The following RANBP10 variants were observed in gnomAD, a reference collection of about 807,000 sequenced individuals.
RANBP10 encodes the protein RAN binding protein 10, also known as ran-binding protein 10.
In RANBP10, 24 loss-of-function variants were observed where a neutral mutation model predicts 72.8. That is an observed-to-expected ratio of 0.33 (90% confidence interval 0.24 to 0.46). RANBP10 has a LOEUF of 0.46. Among genes scored for constraint, RANBP10 ranks in the 20% least tolerant of loss-of-function variants. The pLI is 1.00. For synonymous variants in RANBP10, 310 were observed against 322.3 expected (o/e 0.96, Z 0.41); for missense variants, 679 against 817.5 (o/e 0.83, Z 2.07).
At chr16:67,765,023 G>T (rs1301518696) in intron 3 of RANBP10, among the ~76,000 whole-genome samples, 1 of 151,864 alleles carries the variant, frequency 6.6e-6, no homozygotes, top group Non-Finnish European at 1.5e-5. Flanking sequence ...TTTGCACAAA[G>T]ATGTGTAAGT....
intron 3 of RANBP10, among the ~76,000 whole-genome samples, chr16:67,757,255 C>T (rs1251556858): frequency 6.6e-6 from 1 of 152,174 alleles, no homozygotes; most frequent in Non-Finnish European, 1.5e-5. Flanking sequence ...TTCACATGTT[C>T]TGCTCCCTTC....
In RANBP10 at chr16:67,729,781, C is replaced by T. The variant is rs540927913; in HGVS notation, c.1046G>A (p.Arg349Gln). ...EMVNGTDSEV[R>Q]SLSSRSPKSQ... ...CTTGGGGCTTCGGGAGCTCAAACTT[C>T]GGACCTCACTGTCCGTCCCATTCAC... Residue 349 changes from arginine (R) to glutamine (Q), a missense_variant, in exon 9 of 14, where the codon CGA (arginine) becomes CAA (glutamine). Arg to Gln is a conservative substitution (Grantham distance 43). Transcript: ENST00000317506. The surrounding 1 kb of genome is among the most constrained non-coding windows in gnomAD (Gnocchi z 7.1). 9.9e-6 allele frequency: 16 copies of T among 1,614,112 alleles called. No individual in the cohort carries two copies. The highest frequency in any genetic ancestry group is 2.2e-5 in the South Asian group (2 of 91,076).
rs2054957242 is a variant in RANBP10 at position 67,788,395 on chromosome 16, G to A, written c.348-16309C>T. Reference sequence around the variant, plus strand: ...AGCCTCTCGAGTAGCTGGGACTATAGGCGCCCGCCACCATGCCCGGCTAAT... The same window carrying A: ...AGCCTCTCGAGTAGCTGGGACTATAAGCGCCCGCCACCATGCCCGGCTAAT... On this transcript the variant is annotated intron_variant, in intron 2 of 13. Coordinates refer to ENST00000317506, the MANE Select transcript of RANBP10 (RefSeq NM_020850.3). Among the ~76,000 whole-genome samples the A allele has an allele frequency of 1.3e-5, 2 of 151,404 alleles. 1 individual carries two copies. Among genetic ancestry groups the A allele is most frequent in the African/African-American group, 4.9e-5 (2 of 40,934 alleles).
chr16:67,750,650 T>C (rs1434904929), intron 3 of RANBP10, among the ~76,000 whole-genome samples: 3 of 152,308 alleles, frequency 2.0e-5, no homozygotes, highest in Non-Finnish European at 4.4e-5. Flanking sequence ...GCCCCAGCTG[T>C]CAGCCTGCCT....
intron 2 of RANBP10, among the ~76,000 whole-genome samples, chr16:67,781,137 G>A (rs117588620): frequency 0.025 from 3,743 of 152,332 alleles, 58 homozygotes; most frequent in Non-Finnish European, 0.037. Flanking sequence ...GCGCAGTGCC[G>A]GAGGCTGAAG....
At chr16:67,776,477 A>G (rs1259254170) in intron 2 of RANBP10, among the ~76,000 whole-genome samples, 1 of 150,144 alleles carries the variant, frequency 6.7e-6, no homozygotes, top group African/African-American at 2.5e-5. Flanking sequence ...AAAAAAAAAA[A>G]AAAAAAAAAG....
chr16:67,769,443 C>CAAAAAAAAAAAAAAAA lies in RANBP10; in HGVS notation c.400+2575_400+2590dup, dbSNP rs768960411. ...TGGGAAACGAAGCAAGACCCTGTCT[C>CAAAAAAAAAAAAAAAA]AAAAAAAAAAAAAAAAAAAGTGCTG... On this transcript the variant is annotated intron_variant, in intron 3 of 13. Transcript: ENST00000317506. Among the ~76,000 whole-genome samples the CAAAAAAAAAAAAAAAA allele has an allele frequency of 1.3e-4, 4 of 30,306 alleles. 1 individual carries two copies. Among genetic ancestry groups the CAAAAAAAAAAAAAAAA allele is most frequent in the Non-Finnish European group, 1.7e-4 (3 of 17,866 alleles). 19.9% of individuals were successfully genotyped at this position (30,306 alleles called of 152,430 possible).
rs71145979 is a variant in RANBP10, at chr16:67,737,192, C to CTTTT, written c.591+817_591+820dup. 1.9e-3 allele frequency among the ~76,000 whole-genome samples: 148 copies of CTTTT among 75,960 alleles called. 17 individuals are homozygous for CTTTT. Among genetic ancestry groups the CTTTT allele is most frequent in the African/African-American group, 8.2e-3 (131 of 16,052 alleles). The allele number at this position is 75,960 out of a possible 152,430, so 49.8% of individuals were successfully genotyped here. On this transcript the variant is annotated intron_variant, in intron 5 of 13. Coordinates refer to ENST00000317506, the MANE Select transcript of RANBP10 (RefSeq NM_020850.3). The stretch of plus-strand genomic sequence containing the variant: ...AGCAAGCAGAAAACTCCATCCTTTT[C>CTTTT]TTTTTTTTTTTTTTTTTTTTTTTTT...
chr16:67,775,910 C>A (rs1207000884), intron 2 of RANBP10, among the ~76,000 whole-genome samples: 1 of 151,748 alleles, frequency 6.6e-6, no homozygotes. Context: ...CTTTGGGAGG[C>A]CCAGGCGAGC....
At chr16:67,792,263 A>C (rs1258156076) in intron 2 of RANBP10, among the ~76,000 whole-genome samples, 2 of 151,940 alleles carry the variant, frequency 1.3e-5, no homozygotes, top group African/African-American at 2.4e-5. Flanking sequence ...TATTCAAAAA[A>C]TATAGGCTAG....
At chr16:67,761,326 G>A (rs1386454436) in intron 3 of RANBP10, among the ~76,000 whole-genome samples, 1 of 152,166 alleles carries the variant, frequency 6.6e-6, no homozygotes, top group East Asian at 1.9e-4. Context: ...ACCCCAGGGT[G>A]TCTGCCCTCT....
rs2053564910 is a variant in RANBP10 at position 67,724,055 on chromosome 16, C to T, written c.*2373G>A. On this transcript the variant is annotated 3_prime_UTR_variant, in exon 14 of 14. Transcript: ENST00000317506. ...GAAAATGGGGAGGTGGCCATGGGTA[C>T]CAAGTGCGAGCCAGGCAGACACCCA... The T allele has an allele frequency of 6.5e-6, 1 of 152,784 alleles. No homozygotes were observed. The highest frequency in any genetic ancestry group is 1.5e-5 in the Non-Finnish European group (1 of 68,246). The allele number at this position is 152,784 out of a possible 1,614,324, so 9.5% of individuals were successfully genotyped here. A position where few individuals can be genotyped will look rare whatever the true frequency, so the allele number is the denominator to read the frequency against.
chr16:67,795,310 T>A (rs1010348419), intron 2 of RANBP10, among the ~76,000 whole-genome samples: 9 of 141,068 alleles, frequency 6.4e-5, no homozygotes, highest in Non-Finnish European at 1.4e-4. Context: ...GAGGCTGAGG[T>A]AGGAGGATGA....
chr16:67,795,448 A>G (rs1340864404), intron 2 of RANBP10, among the ~76,000 whole-genome samples: 1 of 151,864 alleles, frequency 6.6e-6, no homozygotes. Context: ...CTGAGGCAGG[A>G]GAATCGCTTG....
chr16:67,780,635 G>T (rs1024414400), intron 2 of RANBP10, among the ~76,000 whole-genome samples: 1 of 152,220 alleles, frequency 6.6e-6, no homozygotes, highest in African/African-American at 2.4e-5. Flanking sequence ...TTTGAAAAAT[G>T]GATTGAAGAA....
chr16:67,742,384 T>C (rs1474268079), intron 4 of RANBP10, among the ~76,000 whole-genome samples: 1 of 152,160 alleles, frequency 6.6e-6, no homozygotes, highest in Non-Finnish European at 1.5e-5. Flanking sequence ...ATCAAATATT[T>C]GAGATACAAC....
intron 2 of RANBP10, among the ~76,000 whole-genome samples, chr16:67,774,737 G>A (rs2054668706): frequency 6.6e-6 from 1 of 152,132 alleles, no homozygotes; most frequent in Non-Finnish European, 1.5e-5. Context: ...AGGCGAATAA[G>A]CCCCCACTCT....
chr16:67,784,750 C>T (rs919996614), intron 2 of RANBP10, among the ~76,000 whole-genome samples: 2 of 148,800 alleles, frequency 1.3e-5, no homozygotes, highest in Non-Finnish European at 3.0e-5. Flanking sequence ...ACCCGGGAGG[C>T]GGAGGTTGCA....
intron 2 of RANBP10, among the ~76,000 whole-genome samples, chr16:67,787,013 C>T (rs943468905): frequency 6.6e-6 from 1 of 152,042 alleles, no homozygotes; most frequent in African/African-American, 2.4e-5. Context: ...CCAAGGCAGG[C>T]AGATTACTTG....
Sources: gnomAD v4.1 joint callset for allele counts (sites outside exome capture counted in the v4.1 genomes callset) on GRCh38, gnomAD v4.1.1 for gene constraint, Gnocchi (gnomAD v3.1) non-coding constraint, MANE v1.5 for transcripts, NCBI Gene and HGNC (gene_info 2026-07-23, HGNC 2026-07-21) for gene names.